L3MBTL4: variants seen among roughly 807,000 people sequenced by gnomAD.
L3MBTL4 encodes the protein lethal(3)malignant brain tumor-like protein 4.
L3MBTL4 carries 70 observed loss-of-function variants against 84.5 expected under a neutral mutation model. The ratio of observed to expected loss-of-function variants is 0.83; its 90% CI spans 0.68 to 1.01. The LOEUF (loss-of-function observed/expected upper bound fraction) is 1.01, where lower values mean the gene tolerates loss of function less well. Ranked by LOEUF, L3MBTL4 falls within the 50% of genes least tolerant of loss-of-function variation. The probability of loss-of-function intolerance (pLI) is 0.00; values close to 1 mark genes in which losing one functional copy is unlikely to be tolerated. For missense variants in L3MBTL4, 715 were observed against 754.8 expected (o/e 0.95, Z 0.62); for synonymous variants, 274 against 259.8 (o/e 1.05, Z -0.52).
At chr18:6,190,886 G>C (rs1285388752) in intron 12 of L3MBTL4, among the ~76,000 whole-genome samples, 2 of 152,112 alleles carry the variant, frequency 1.3e-5, no homozygotes, top group African/African-American at 4.8e-5. Flanking sequence ...CAGCCAAAGG[G>C]AACAGCCAGA....
chr18:6,349,373 A>T (rs2053070237), intron 1 of L3MBTL4, among the ~76,000 whole-genome samples: 1 of 152,234 alleles, frequency 6.6e-6, no homozygotes, highest in African/African-American at 2.4e-5. Context: ...AACTACTGCT[A>T]TATAGAATAG....
chr18:6,083,135 G>A (rs1368921708), intron 15 of L3MBTL4, among the ~76,000 whole-genome samples: 2 of 152,110 alleles, frequency 1.3e-5, no homozygotes, highest in East Asian at 3.8e-4. Flanking sequence ...CCAAATCCAG[G>A]TTTCTTTCTG....
chr18:6,415,076 A>C (rs1599973081), upstream of L3MBTL4: 2 of 152,106 alleles, frequency 1.3e-5, no homozygotes, highest in Admixed American at 1.3e-4. Context: ...CATGGGAGGG[A>C]GGTGGCTGCG....
chr18:6,098,173 C>T (rs1474207150), intron 14 of L3MBTL4, among the ~76,000 whole-genome samples: 1 of 152,180 alleles, frequency 6.6e-6, no homozygotes, highest in Non-Finnish European at 1.5e-5. Context: ...TCTGAGAGCC[C>T]TGTTCTGCTA....
intron 1 of L3MBTL4, among the ~76,000 whole-genome samples, chr18:6,316,148 C>T (rs6506373): frequency 0.14 from 20,369 of 146,616 alleles, 2,104 homozygotes; most frequent in African/African-American, 0.17. Context: ...TGCCACTCCC[C>T]TGCCACCCCC....
intron 1 of L3MBTL4, among the ~76,000 whole-genome samples, chr18:6,337,042 C>A (rs1019036467): frequency 3.9e-5 from 6 of 152,092 alleles, no homozygotes; most frequent in African/African-American, 1.4e-4. Flanking sequence ...GGTTTAACGA[C>A]AGATTGACAT....
At chr18:6,091,218 T>C (rs1486395524) in intron 15 of L3MBTL4, among the ~76,000 whole-genome samples, 1 of 151,940 alleles carries the variant, frequency 6.6e-6, no homozygotes, top group African/African-American at 2.4e-5. Context: ...TCCTTGTCGA[T>C]TCCTTTGTTC....
intron 16 of L3MBTL4, among the ~76,000 whole-genome samples, chr18:6,018,885 C>G (rs1349743566): frequency 6.6e-6 from 1 of 152,190 alleles, no homozygotes; most frequent in Non-Finnish European, 1.5e-5. Context: ...TAATTAATGA[C>G]TTAACAACAT....
At chr18:6,170,175 C>T (rs2043896694) in intron 13 of L3MBTL4, among the ~76,000 whole-genome samples, 1 of 152,164 alleles carries the variant, frequency 6.6e-6, no homozygotes. Context: ...GCCCAGCATT[C>T]TGACTCCAGT....
intron 1 of L3MBTL4, among the ~76,000 whole-genome samples, chr18:6,322,403 A>G (rs1424840201): frequency 6.6e-6 from 1 of 150,496 alleles, no homozygotes; most frequent in African/African-American, 2.4e-5. Context: ...AAGGAAAGGA[A>G]AGGAAAGGAA....
intron 16 of L3MBTL4, among the ~76,000 whole-genome samples, chr18:6,006,108 A>G (rs950192153): frequency 6.6e-6 from 1 of 152,248 alleles, no homozygotes. Flanking sequence ...TCCTTCAAAT[A>G]TACAGGTTAC....
rs541104110 is a variant in L3MBTL4 at position 5,978,812 on chromosome 18, C to T, written c.1445-9250G>A. The stretch of plus-strand genomic sequence containing the variant: ...TGGATGTGGAAGTTAGCCCTGGCTT[C>T]AGCTATATGGGCACCCAGGCCTACG... On this transcript the variant is annotated intron_variant, in intron 16 of 18. Coordinates refer to ENST00000317931, the MANE Select transcript of L3MBTL4 (RefSeq NM_001330559.2). Among the ~76,000 whole-genome samples, 3 of 152,310 alleles carry T rather than the reference C, an allele frequency of 2.0e-5. No individual in the cohort carries two copies. The South Asian group carries it at 6.2e-4, about 32-fold the overall frequency.
intron 10 of L3MBTL4, among the ~76,000 whole-genome samples, chr18:6,231,591 G>T (rs1293089191): frequency 2.0e-5 from 3 of 152,074 alleles, no homozygotes; most frequent in Non-Finnish European, 4.4e-5. Context: ...TTTCAGCAAT[G>T]TTGTATACTT....
At chr18:6,255,567 T>A (rs1205918532) in intron 5 of L3MBTL4, among the ~76,000 whole-genome samples, 1 of 152,306 alleles carries the variant, frequency 6.6e-6, no homozygotes, top group East Asian at 1.9e-4. Flanking sequence ...ATTAATCATC[T>A]TAAATGACTT....
intron 13 of L3MBTL4, among the ~76,000 whole-genome samples, chr18:6,146,440 G>C (rs1568198714): frequency 6.6e-6 from 1 of 152,160 alleles, no homozygotes; most frequent in African/African-American, 2.4e-5. Context: ...AACTCAGCGA[G>C]TAGAGGAAGC....
intron 16 of L3MBTL4, among the ~76,000 whole-genome samples, chr18:6,054,130 C>G (rs2056930305): frequency 6.6e-6 from 1 of 152,158 alleles, no homozygotes; most frequent in Admixed American, 6.5e-5. Flanking sequence ...TAAAGACTCT[C>G]TAAACTCCAT....
At chr18:6,089,093 G>T (rs2058352996) in intron 15 of L3MBTL4, among the ~76,000 whole-genome samples, 1 of 151,946 alleles carries the variant, frequency 6.6e-6, no homozygotes, top group African/African-American at 2.4e-5. Flanking sequence ...AGTTATTAAA[G>T]AACACTTAGG....
At chr18:6,157,588 T>C (rs181039033) in intron 13 of L3MBTL4, among the ~76,000 whole-genome samples, 2 of 152,318 alleles carry the variant, frequency 1.3e-5, no homozygotes, top group Non-Finnish European at 2.9e-5. Flanking sequence ...TGTATTTATA[T>C]ACGTGCAGTA....
chr18:6,234,665 C>A (rs192003869), intron 10 of L3MBTL4, among the ~76,000 whole-genome samples: 6 of 152,264 alleles, frequency 3.9e-5, no homozygotes, highest in African/African-American at 1.4e-4. Context: ...AGTCAGGAAA[C>A]ATCAAGTGCT....
Sources: allele counts gnomAD v4.1 joint callset (sites outside exome capture counted in the v4.1 genomes callset), GRCh38; gene constraint gnomAD v4.1.1; transcripts MANE v1.5; gene names NCBI Gene and HGNC (gene_info 2026-07-23, HGNC 2026-07-21).